The following PLOD2 variants were observed in gnomAD, a reference collection of about 807,000 sequenced individuals.
PLOD2 encodes lysine hydroxylase 2.
A neutral mutation model predicts 101.0 loss-of-function variants in PLOD2; 65 were observed. That is an observed-to-expected ratio of 0.64 (90% CI 0.53 to 0.79). PLOD2 has a LOEUF of 0.79. PLOD2 is among the 30% of genes least tolerant of loss of function. The pLI, the probability that PLOD2 is intolerant of heterozygous loss-of-function variation, is 0.00. For missense variants in PLOD2, 909 were observed against 914.6 expected, an observed-to-expected ratio of 0.99 and a Z score of 0.08; for synonymous variants, 314 against 302.9, an observed-to-expected ratio of 1.04 and a Z score of -0.38.
chr3:146,160,897 G>C lies in PLOD2; in HGVS notation c.93C>G (p.Pro31=). The change falls in exon 1 of 20, where the codon CCC becomes CCG. Residue 31 remains proline (P), a synonymous_variant. Coordinates refer to ENST00000282903, the MANE Select transcript of PLOD2 (RefSeq NM_182943.3). The stretch of plus-strand genomic sequence containing the variant: ...GGTGCTCACCTGTGGGGATGCTCGA[G>C]GGCTTCTCCGAGTCCGCACCCAGAC... ...NPCLGADSEK[P]SSIPTDKLLV... is the part of the protein sequence containing the mutation. The C allele has an allele frequency of 6.3e-7, 1 of 1,583,744 alleles. No homozygotes were observed. The highest frequency in any genetic ancestry group is 1.2e-5 in the South Asian group (1 of 86,744).
At chr3:146,160,597 G>A (rs1051937127) in intron 1 of PLOD2, among the ~76,000 whole-genome samples, 2 of 152,162 alleles carry the variant, frequency 1.3e-5, no homozygotes, top group Admixed American at 6.5e-5. Flanking sequence ...TGGTGCCCAT[G>A]ACCTGCAAGT....
intron 11 of PLOD2, among the ~76,000 whole-genome samples, chr3:146,084,103 T>C (rs4681113): frequency 0.52 from 78,495 of 151,756 alleles, 20,416 homozygotes; most frequent in East Asian, 0.56. Flanking sequence ...TTCAAGAAAA[T>C]AGTACTGAAT....
At chr3:146,118,229 C>A (rs925639422) in intron 3 of PLOD2, among the ~76,000 whole-genome samples, 1 of 151,974 alleles carries the variant, frequency 6.6e-6, no homozygotes, top group Non-Finnish European at 1.5e-5. Flanking sequence ...ATAACAAATG[C>A]TGTAGAAAAA....
At chr3:146,101,124 A>G (rs1937375158) in intron 7 of PLOD2, among the ~76,000 whole-genome samples, 1 of 152,174 alleles carries the variant, frequency 6.6e-6, no homozygotes, top group Non-Finnish European at 1.5e-5. Context: ...ATCTCTGGGT[A>G]TATGTAACAC....
intron 15 of PLOD2, among the ~76,000 whole-genome samples, chr3:146,074,245 G>T (rs562526546): frequency 2.6e-5 from 4 of 151,276 alleles, no homozygotes; most frequent in Non-Finnish European, 4.4e-5. Context: ...TATCCAAAAA[G>T]ATATCTTCTG....
intron 1 of PLOD2, among the ~76,000 whole-genome samples, chr3:146,143,226 TAGTA>T (rs2031613936): frequency 6.6e-6 from 1 of 152,022 alleles, no homozygotes; most frequent in East Asian, 1.9e-4. Context: ...TAAGTTTTAA[TAGTA>T]AGTATTAAAA....
intron 1 of PLOD2, among the ~76,000 whole-genome samples, chr3:146,158,916 T>C (rs1467996289): frequency 2.6e-5 from 4 of 152,190 alleles, no homozygotes; most frequent in East Asian, 1.9e-4. Flanking sequence ...AGCTAGACAA[T>C]TTAGGGTCCT....
intron 4 of PLOD2, among the ~76,000 whole-genome samples, chr3:146,108,061 T>C (rs1272945572): frequency 2.6e-5 from 4 of 152,160 alleles, no homozygotes; most frequent in African/African-American, 9.7e-5. Flanking sequence ...TTTATATTAC[T>C]GTTCTTCAAA....
In PLOD2 at chr3:146,086,853, A is replaced by G; in HGVS notation, c.1061T>C (p.Ile354Thr). Residue 354 changes from isoleucine (I) to threonine (T), a missense_variant, in exon 10 of 20, where the codon ATC becomes ACC. Coordinates refer to ENST00000282903, the MANE Select transcript of PLOD2 (RefSeq NM_182943.3). The part of the protein sequence containing the change: ...KVFFDKAKHE[I>T]KTIKIVGPEE... ...TGGTCCTACTATTTTTATAGTTTTG[A>G]TTTCATGCTTAGCTTTATCAAAAAA... 1 of 1,536,776 alleles carries G rather than the reference A, an allele frequency of 6.5e-7. No individual in the cohort carries two copies. The highest frequency in any genetic ancestry group is 8.9e-7 in the Non-Finnish European group (1 of 1,123,152).
intron 1 of PLOD2, among the ~76,000 whole-genome samples, chr3:146,140,521 T>G (rs528192368): frequency 6.6e-6 from 1 of 152,206 alleles, no homozygotes. Flanking sequence ...TAAACTAGTA[T>G]ATAATTAGAA....
chr3:146,143,335 T>C lies in PLOD2; in HGVS notation c.109+17546A>G, dbSNP rs149859056. ...AAAAGCATGTAGAGTATATACTCAA[T>C]TGGTGTTAAGACTTAAACAAATTAA... On this transcript the variant is annotated intron_variant, in intron 1 of 19. Transcript: ENST00000282903. Among the ~76,000 whole-genome samples the C allele has an allele frequency of 9.9e-4, 151 of 152,132 alleles. 3 individuals carry two copies. In the East Asian group the frequency reaches 0.029, roughly 29 times the overall value.
rs1936554409 is a variant in PLOD2 at position 146,081,879 on chromosome 3, G to T, written c.1233-16C>A. On this transcript the variant is annotated splice_polypyrimidine_tract_variant and intron_variant, in intron 11 of 19. Coordinates refer to ENST00000282903, the MANE Select transcript of PLOD2 (RefSeq NM_182943.3). ...AATGATCTTTCTAAAGACAGAGAGAGTGTGTGTGAGAGAGAGAAACCTATA... is the reference window on the plus strand; with the variant it reads ...AATGATCTTTCTAAAGACAGAGAGATTGTGTGTGAGAGAGAGAAACCTATA... 1 of 1,607,016 alleles carries T rather than the reference G, an allele frequency of 6.2e-7. No homozygotes were observed. The highest frequency in any genetic ancestry group is 1.3e-5 in the African/African-American group (1 of 74,742).
chr3:146,127,774 C>T (rs2030659354), intron 1 of PLOD2, among the ~76,000 whole-genome samples: 1 of 152,092 alleles, frequency 6.6e-6, no homozygotes, highest in African/African-American at 2.4e-5. Flanking sequence ...CTCAACATCA[C>T]TAATCATCAG....
intron 8 of PLOD2, among the ~76,000 whole-genome samples, chr3:146,090,584 T>C (rs1414064273): frequency 6.6e-6 from 1 of 151,688 alleles, no homozygotes; most frequent in African/African-American, 2.4e-5. Flanking sequence ...TGCAGCTTCA[T>C]TCAGAAATAT....
chr3:146,160,895 G>C lies in PLOD2; in HGVS notation c.95C>G (p.Ser32Trp), dbSNP rs1576637905. 1.3e-6 allele frequency: 2 copies of C among 1,581,630 alleles called. No homozygotes were observed. The highest frequency in any genetic ancestry group is 2.3e-5 in the East Asian group (1 of 43,406). Residue 32 changes from serine to tryptophan, a missense_variant, in exon 1 of 20, where the codon TCG becomes TGG. Transcript: ENST00000282903. Reference sequence around the variant, plus strand: ...GGGGTGCTCACCTGTGGGGATGCTCGAGGGCTTCTCCGAGTCCGCACCCAG... The same window carrying C: ...GGGGTGCTCACCTGTGGGGATGCTCCAGGGCTTCTCCGAGTCCGCACCCAG... ...PCLGADSEKP[S>W]SIPTDKLLVI...
chr3:146,138,949 A>G (rs2031384288), intron 1 of PLOD2, among the ~76,000 whole-genome samples: 1 of 152,156 alleles, frequency 6.6e-6, no homozygotes, highest in South Asian at 2.1e-4. Context: ...GAGAAAGACT[A>G]GCTCCAGAGG....
chr3:146,139,795 C>T (rs1308692731), intron 1 of PLOD2, among the ~76,000 whole-genome samples: 1 of 152,088 alleles, frequency 6.6e-6, no homozygotes, highest in Non-Finnish European at 1.5e-5. Context: ...AGAATATACA[C>T]ATTGAAACAG....
intron 8 of PLOD2, 154 bp from the exon 9 acceptor site, chr3:146,088,865 C>A: frequency 1.5e-6 from 1 of 654,478 alleles, no homozygotes; most frequent in African/African-American, 1.8e-5. Context: ...AGTTCTCTAA[C>A]ACTTGAAACA....
At chr3:146,123,231 TA>T (rs200095830) in intron 2 of PLOD2, 504 of 824,056 alleles carry the variant, frequency 6.1e-4, no homozygotes, top group South Asian at 9.1e-4. Flanking sequence ...TCTTCTTTTT[TA>T]AAAAAAAAGT....
Sources: allele counts gnomAD v4.1 joint callset (sites outside exome capture counted in the v4.1 genomes callset), GRCh38; gene constraint gnomAD v4.1.1; transcripts MANE v1.5; gene names NCBI Gene and HGNC (gene_info 2026-07-23, HGNC 2026-07-21).